SORCS1: variants seen among roughly 807,000 people sequenced by gnomAD.
SORCS1 encodes the protein sortilin related VPS10 domain containing receptor 1.
In SORCS1, 60 loss-of-function variants were observed where a neutral mutation model predicts 146.1. That is an observed-to-expected ratio of 0.41 (90% CI 0.33 to 0.51). The LOEUF (loss-of-function observed/expected upper bound fraction) is 0.51. SORCS1 is among the 20% of genes least tolerant of loss of function. The pLI, the probability that SORCS1 is intolerant of heterozygous loss-of-function variation, is 0.21. For missense variants in SORCS1, 1,352 were observed against 1,487.6 expected (o/e 0.91, Z 1.50); for synonymous variants, 637 against 584.0 (o/e 1.09, Z -1.31).
intron 9 of SORCS1, among the ~76,000 whole-genome samples, chr10:106,691,968 G>T (rs1480372538): frequency 6.6e-6 from 1 of 151,944 alleles, no homozygotes; most frequent in Non-Finnish European, 1.5e-5. Flanking sequence ...TACAACCTTC[G>T]GATTGTCATT....
intron 16 of SORCS1, among the ~76,000 whole-genome samples, chr10:106,670,250 A>T (rs963134238): frequency 2.0e-5 from 3 of 152,252 alleles, no homozygotes; most frequent in Non-Finnish European, 4.4e-5. Flanking sequence ...ATTAACATTG[A>T]CAACAAGCCA....
chr10:106,934,317 G>C (rs1953581417), intron 2 of SORCS1, among the ~76,000 whole-genome samples: 1 of 151,806 alleles, frequency 6.6e-6, no homozygotes, highest in African/African-American at 2.4e-5. Context: ...GAGTGCAGTG[G>C]TGCGATCTCA....
At chr10:106,928,921 A>G (rs2138557449) in intron 2 of SORCS1, among the ~76,000 whole-genome samples, 1 of 151,222 alleles carries the variant, frequency 6.6e-6, no homozygotes, top group African/African-American at 2.4e-5. Flanking sequence ...ACCTATATAT[A>G]TATATTCACT....
At chr10:106,696,112 C>A (rs757738945) in intron 9 of SORCS1, among the ~76,000 whole-genome samples, 3 of 149,144 alleles carry the variant, frequency 2.0e-5, no homozygotes, top group Non-Finnish European at 3.0e-5. Context: ...CTCACAAAGG[C>A]AGGAATAGCA....
chr10:106,644,956 G>C (rs1849316544), intron 18 of SORCS1, among the ~76,000 whole-genome samples: 1 of 152,140 alleles, frequency 6.6e-6, no homozygotes, highest in South Asian at 2.1e-4. Flanking sequence ...TGGTGCATAT[G>C]TGTATGCATT....
chr10:107,076,392 A>G (rs1023464919), intron 1 of SORCS1, among the ~76,000 whole-genome samples: 2 of 152,154 alleles, frequency 1.3e-5, no homozygotes. Flanking sequence ...TATTTTGGTT[A>G]ACACCTATTA....
chr10:106,726,359 C>CAAAAAAA (rs60801871), intron 6 of SORCS1, among the ~76,000 whole-genome samples: 2 of 43,582 alleles, frequency 4.6e-5, no homozygotes, highest in Non-Finnish European at 7.5e-5. Context: ...GCTGCCTTCG[C>CAAAAAAA]AAAAAAAAAA....
intron 1 of SORCS1, among the ~76,000 whole-genome samples, chr10:107,117,998 C>A (rs1017008188): frequency 6.6e-6 from 1 of 152,024 alleles, no homozygotes; most frequent in Non-Finnish European, 1.5e-5. Flanking sequence ...ACATGAATTT[C>A]GAGGGGCTAT....
chr10:106,728,314 A>ATC (rs3982439), intron 6 of SORCS1, among the ~76,000 whole-genome samples: 127,157 of 152,020 alleles, frequency 0.84, 54,537 homozygotes, highest in Non-Finnish European at 0.94. Context: ...GAAAATATTG[A>ATC]TCTGTTATGT....
rs149082097 is a variant in SORCS1 at position 106,910,254 on chromosome 10, TAAC to T, written c.626+46256_626+46258del. 1.7e-3 allele frequency among the ~76,000 whole-genome samples: 261 copies of T among 151,848 alleles called. 1 individual carries two copies. Among genetic ancestry groups the T allele is most frequent in the African/African-American group, 5.4e-3 (222 of 41,396 alleles). ...GATGTGAAATTTGGGATAATCTACT[TAAC>T]AATTCTATGCCTCCGTCTCTTTACA... On this transcript the variant is annotated intron_variant, in intron 2 of 25. Transcript: ENST00000263054.
intron 3 of SORCS1, among the ~76,000 whole-genome samples, chr10:106,778,418 T>C (rs1488890530): frequency 2.0e-5 from 3 of 152,010 alleles, no homozygotes; most frequent in Non-Finnish European, 4.4e-5. Context: ...CTGTCTCACA[T>C]TCACCAAGCA....
At chr10:106,613,920 C>T (rs1162235405) in intron 21 of SORCS1, among the ~76,000 whole-genome samples, 1 of 152,158 alleles carries the variant, frequency 6.6e-6, no homozygotes, top group Admixed American at 6.5e-5. Flanking sequence ...AAACTCCCCT[C>T]TCATCATTCA....
intron 18 of SORCS1, among the ~76,000 whole-genome samples, chr10:106,635,650 A>C (rs1302057112): frequency 6.6e-6 from 1 of 152,154 alleles, no homozygotes; most frequent in African/African-American, 2.4e-5. Flanking sequence ...AAACATTACA[A>C]AATACAACAC....
chr10:106,996,370 G>C (rs1351061170), intron 1 of SORCS1, among the ~76,000 whole-genome samples: 1 of 152,020 alleles, frequency 6.6e-6, no homozygotes, highest in Non-Finnish European at 1.5e-5. Context: ...ATTTTGCACT[G>C]CTATCATTCA....
At chr10:106,815,332 A>G (rs1388195809) in intron 3 of SORCS1, among the ~76,000 whole-genome samples, 1 of 152,192 alleles carries the variant, frequency 6.6e-6, no homozygotes, top group Non-Finnish European at 1.5e-5. Flanking sequence ...AGAAAATAAA[A>G]TAGCAACAAA....
At chr10:106,962,843 T>C (rs531653972) in intron 1 of SORCS1, among the ~76,000 whole-genome samples, 59 of 152,278 alleles carry the variant, frequency 3.9e-4, no homozygotes, top group African/African-American at 1.4e-3. Context: ...TGCCAGCATG[T>C]TGGGCGGTGC....
intron 24 of SORCS1, among the ~76,000 whole-genome samples, chr10:106,595,062 T>C (rs939609395): frequency 3.3e-5 from 5 of 152,178 alleles, no homozygotes; most frequent in Admixed American, 3.3e-4. Flanking sequence ...TGTGTGACTC[T>C]GCCATGTGCT....
chr10:107,123,340 A>G (rs570930270), intron 1 of SORCS1, among the ~76,000 whole-genome samples: 7 of 152,226 alleles, frequency 4.6e-5, no homozygotes, highest in Non-Finnish European at 7.3e-5. Context: ...CATACTGTTC[A>G]ATAAACAGTA....
At chr10:106,927,643 T>C (rs1407505175) in intron 2 of SORCS1, among the ~76,000 whole-genome samples, 1 of 152,166 alleles carries the variant, frequency 6.6e-6, no homozygotes, top group African/African-American at 2.4e-5. Context: ...CACTGATTGG[T>C]GCGTTTACAA....
Sources: gnomAD v4.1 joint callset for allele counts (sites outside exome capture counted in the v4.1 genomes callset) on GRCh38, gnomAD v4.1.1 for gene constraint, MANE v1.5 for transcripts, NCBI Gene and HGNC (gene_info 2026-07-23, HGNC 2026-07-21) for gene names.